ZNF160: variants seen among roughly 807,000 people sequenced by gnomAD.
ZNF160 encodes KRAB zinc finger protein KR18.
Under a neutral mutation model 13.1 loss-of-function variants are expected in ZNF160, and 9 were observed. The ratio of observed to expected loss-of-function variants is 0.69; its 90% confidence interval spans 0.41 to 1.20. ZNF160 has a LOEUF of 1.20. Among genes scored for constraint, ZNF160 ranks in the 50% most tolerant of loss-of-function variants. ZNF160 has a pLI of 0.01. For synonymous variants in ZNF160, 293 were observed against 333.2 expected, an observed-to-expected ratio of 0.88 and a Z score of 1.31; for missense variants, 838 against 988.0, an observed-to-expected ratio of 0.85 and a Z score of 2.04.
At chr19:53,089,284 C>T (rs1216396493) in intron 2 of ZNF160, among the ~76,000 whole-genome samples, 2 of 152,176 alleles carry the variant, frequency 1.3e-5, no homozygotes, top group African/African-American at 4.8e-5. Flanking sequence ...TATAAGTTCA[C>T]CCAGTTAGTG....
intron 1 of ZNF160, among the ~76,000 whole-genome samples, chr19:53,098,170 C>G (rs527652602): frequency 2.0e-5 from 3 of 152,222 alleles, no homozygotes; most frequent in Non-Finnish European, 4.4e-5. Flanking sequence ...CCAGGTGCTA[C>G]AGCCAGACCT....
chr19:53,087,549 ATAAT>A (rs112316023), intron 2 of ZNF160, among the ~76,000 whole-genome samples: 2,100 of 152,088 alleles, frequency 0.014, 42 homozygotes, highest in African/African-American at 0.048. Flanking sequence ...TTTTATTTAA[ATAAT>A]TAATTAATTA....
At chr19:53,098,981 T>C (rs1204031063) in intron 1 of ZNF160, among the ~76,000 whole-genome samples, 1 of 149,520 alleles carries the variant, frequency 6.7e-6, no homozygotes, top group African/African-American at 2.6e-5. Context: ...GAGACCATCC[T>C]CACTACCCGC....
chr19:53,087,569 TGA>T (rs1027107457), intron 2 of ZNF160, among the ~76,000 whole-genome samples: 4 of 152,104 alleles, frequency 2.6e-5, no homozygotes, highest in African/African-American at 9.7e-5. Flanking sequence ...AATTAATTTT[TGA>T]GAGAGTTTCA....
intron 2 of ZNF160, among the ~76,000 whole-genome samples, chr19:53,088,508 A>C (rs1347277397): frequency 6.6e-6 from 1 of 151,934 alleles, no homozygotes; most frequent in Non-Finnish European, 1.5e-5. Context: ...TCCTGTCTCT[A>C]TATTTTTATT....
At chr19:53,095,176 C>A (rs2085182125) in intron 1 of ZNF160, among the ~76,000 whole-genome samples, 2 of 138,822 alleles carry the variant, frequency 1.4e-5, no homozygotes, top group African/African-American at 2.7e-5. Flanking sequence ...GCCCCCTCCC[C>A]ACTGCCCAGG....
rs758541284 is a variant in ZNF160 at position 53,069,791 on chromosome 19, C to T, written c.743G>A (p.Arg248Gln). The change falls in exon 6 of 6, where the codon CGA (arginine) becomes CAA (glutamine). Residue 248 changes from arginine (R) to glutamine (Q), a missense_variant. Arg to Gln is a conservative substitution (Grantham distance 43). Transcript: ENST00000683776. The surrounding 1 kb of genome is among the most constrained non-coding windows in gnomAD (Gnocchi z 4.4). ...LNHFSLLTQR[R>Q]KANSCGKPYK... is the part of the protein sequence containing the mutation. ...AGGTTTTCCACAACTGTTTGCTTTT[C>T]GTCTTTGTGTGAGTAATGAAAAATG... 3.7e-6 allele frequency: 6 copies of T among 1,614,140 alleles called. No homozygotes were observed. The highest frequency in any genetic ancestry group is 2.2e-5 in the East Asian group (1 of 44,876).
chr19:53,071,736 C>G (rs1189283293), intron 5 of ZNF160, among the ~76,000 whole-genome samples: 2 of 151,980 alleles, frequency 1.3e-5, no homozygotes, highest in Admixed American at 1.3e-4. Flanking sequence ...GTTGTGAATC[C>G]TATGTTAGCC....
intron 3 of ZNF160, among the ~76,000 whole-genome samples, chr19:53,081,528 T>C (rs980915520): frequency 6.6e-6 from 1 of 151,876 alleles, no homozygotes; most frequent in African/African-American, 2.4e-5. Context: ...AACACCCCGA[T>C]CATCAGAGAA....
chr19:53,070,049 C>T lies in ZNF160; in HGVS notation c.485G>A (p.Gly162Asp). 6.2e-7 allele frequency: 1 copy of T among 1,614,058 alleles called. No individual in the cohort carries two copies. Among genetic ancestry groups the T allele is most frequent in the Non-Finnish European group, 8.5e-7 (1 of 1,179,994 alleles). The change falls in exon 6 of 6, where the codon GGT (glycine) becomes GAT (aspartate). Residue 162 changes from glycine to aspartate, a missense_variant. Gly to Asp is a moderately conservative substitution (Grantham distance 94). Around this residue, in one of 3 missense-constraint regions of ZNF160, gnomAD observed 387 missense variants for 402.3 expected, o/e 0.96. Transcript: ENST00000683776. ...TCTTCTGTCGCGTTGATCTCTTTTA[C>T]CTTCTTTCTGGGCCATAAGCACTCC... is the stretch of plus-strand genomic sequence containing the variant. ...YKGVLMAQKE[G>D]KRDQRDRRDI...
Position 53,074,172 on chromosome 19 carries a change from C to G in ZNF160, c.239G>C (p.Arg80Thr). The G allele has an allele frequency of 6.2e-7, 1 of 1,613,882 alleles. No homozygotes were observed. The change falls in exon 5 of 6, where the codon AGA becomes ACA. Residue 80 changes from arginine to threonine, a missense_variant. Physicochemically the swap from Arg to Thr is moderately conservative, Grantham distance 71. This residue lies in a region of ZNF160 where 387 missense variants were observed against 402.3 expected (regional missense o/e 0.96). Transcript: ENST00000683776. ...CACGCCTTTGACACATTCCGGCGTT[C>G]TTGGTTTTCTTGCTATTTTCACACA... ...KSCVKIARKP[R>T]TPECVKGVVT...
At chr19:53,070,551 C>T (rs1465200124) in intron 5 of ZNF160, among the ~76,000 whole-genome samples, 1 of 152,070 alleles carries the variant, frequency 6.6e-6, no homozygotes, top group Non-Finnish European at 1.5e-5. Flanking sequence ...GCTGGGACTA[C>T]AGGCGCCCGC....
At chr19:53,088,274 C>T (rs1040391200) in intron 2 of ZNF160, among the ~76,000 whole-genome samples, 8 of 152,108 alleles carry the variant, frequency 5.3e-5, no homozygotes, top group South Asian at 2.1e-4. Context: ...ACATGAATTA[C>T]GGCATTTAGG....
chr19:53,085,097 G>C, intron 3 of ZNF160: 3 of 904,830 alleles, frequency 3.3e-6, no homozygotes, highest in African/African-American at 1.8e-5. Context: ...GGGATTACAG[G>C]TGTGAGCCAC....
Position 53,099,598 on chromosome 19 carries a change from G to C in ZNF160, c.-354+3667C>G, listed in dbSNP as rs560477461. Among the ~76,000 whole-genome samples the C allele has an allele frequency of 2.6e-5, 4 of 151,996 alleles. No homozygotes were observed. The East Asian group carries it at 7.8e-4, about 29-fold the overall frequency. On this transcript the variant is annotated intron_variant, in intron 1 of 5. Transcript: ENST00000683776. Reference sequence around the variant, plus strand: ...CCAAAGATGGTCTCTCTGCCTCTGAGTCTACACCCCAGCTTCCATCCTTGT... The same window carrying C: ...CCAAAGATGGTCTCTCTGCCTCTGACTCTACACCCCAGCTTCCATCCTTGT...
Position 53,068,256 on chromosome 19 carries a change from G to A in ZNF160, c.2278C>T (p.Pro760Ser). The A allele has an allele frequency of 6.2e-7, 1 of 1,614,100 alleles. No individual in the cohort carries two copies. The highest frequency in any genetic ancestry group is 8.5e-7 in the Non-Finnish European group (1 of 1,179,984). The change falls in exon 6 of 6, where the codon CCT becomes TCT. Residue 760 changes from proline (P) to serine (S), a missense_variant. Physicochemically the swap from Pro to Ser is moderately conservative, Grantham distance 74. Transcript: ENST00000683776. Reference protein sequence around the residue: ...NHRRIHTGEKPYRCTECGKAF... With the variant: ...NHRRIHTGEKSYRCTECGKAF... ...TTCCCACACTCTGTACACCTGTAAG[G>A]TTTCTCCCCAGTATGAATTCTTCGG...
At chr19:53,094,905 C>G (rs902033268) in intron 1 of ZNF160, among the ~76,000 whole-genome samples, 8 of 152,078 alleles carry the variant, frequency 5.3e-5, no homozygotes, top group Non-Finnish European at 1.0e-4. Context: ...AGCCCAGGCC[C>G]GCTCCTTTCC....
At chr19:53,077,668 C>CAAAAAAA (rs57869247) in intron 3 of ZNF160, among the ~76,000 whole-genome samples, 2 of 51,150 alleles carry the variant, frequency 3.9e-5, no homozygotes, top group Admixed American at 2.2e-4. Flanking sequence ...GACTCCATCT[C>CAAAAAAA]AAAAAAAAAA....
chr19:53,090,229 ACT>A (rs901991544), intron 2 of ZNF160, among the ~76,000 whole-genome samples: 2 of 145,118 alleles, frequency 1.4e-5, no homozygotes, highest in Non-Finnish European at 1.5e-5. Context: ...CCTCTCCCCC[ACT>A]CTCTGTCTGA....
Sources: gnomAD v4.1 joint callset for allele counts (sites outside exome capture counted in the v4.1 genomes callset) on GRCh38, gnomAD v4.1.1 for gene constraint, gnomAD v4.1.1 regional missense constraint, Gnocchi (gnomAD v3.1) non-coding constraint, MANE v1.5 for transcripts, NCBI Gene and HGNC (gene_info 2026-07-23, HGNC 2026-07-21) for gene names.